The following MEGF6 variants were observed in gnomAD, a reference collection of about 807,000 sequenced individuals.
The protein encoded by MEGF6 is multiple epidermal growth factor-like domains protein 6.
In MEGF6, 184 loss-of-function variants were observed where a neutral mutation model predicts 207.1. That is an observed-to-expected ratio of 0.89 (90% CI 0.79 to 1.00). The LOEUF is 1.00. Ranked by LOEUF, MEGF6 falls within the 50% of genes least tolerant of loss-of-function variation. The pLI, the probability that MEGF6 is intolerant of heterozygous loss-of-function variation, is 0.00. For synonymous variants in MEGF6, 1,038 were observed against 910.0 expected (o/e 1.14, Z -2.53); for missense variants, 2,282 against 2,202.9 (o/e 1.04, Z -0.72).
intron 4 of MEGF6, among the ~76,000 whole-genome samples, chr1:3,549,236 C>T (rs1003730196): frequency 3.3e-5 from 5 of 152,180 alleles, no homozygotes; most frequent in Admixed American, 2.0e-4. Context: ...GGTGAATGCT[C>T]AAGAAGCTGC....
chr1:3,517,978 G>A (rs368385951), intron 5 of MEGF6, among the ~76,000 whole-genome samples: 64 of 152,364 alleles, frequency 4.2e-4, no homozygotes, highest in African/African-American at 1.4e-3. Flanking sequence ...GCGTGCTTCC[G>A]CAATCCGGCC....
chr1:3,611,492 G>A lies in MEGF6; in HGVS notation c.-224C>T. The A allele has an allele frequency of 1.9e-6, 1 of 516,712 alleles. No individual in the cohort carries two copies. Among genetic ancestry groups the A allele is most frequent in the Non-Finnish European group, 3.1e-6 (1 of 323,428 alleles). 32.0% of individuals were successfully genotyped at this position (516,712 alleles called of 1,614,324 possible). On this transcript the variant is annotated 5_prime_UTR_variant, in exon 1 of 37. Coordinates refer to ENST00000356575, the MANE Select transcript of MEGF6 (RefSeq NM_001409.4). ...GGTCCACCCTGCAGGAACTCGCCCCGGCGCGTTGAGCACAGTGCCCCGGAC... is the reference window on the plus strand; with the variant it reads ...GGTCCACCCTGCAGGAACTCGCCCCAGCGCGTTGAGCACAGTGCCCCGGAC...
intron 4 of MEGF6, among the ~76,000 whole-genome samples, chr1:3,551,489 G>A (rs1642882963): frequency 6.6e-6 from 1 of 152,124 alleles, no homozygotes. Flanking sequence ...ACCAGGCACT[G>A]GCCATGTGGC....
Position 3,494,721 on chromosome 1 carries a change from C to T in MEGF6, c.3892G>A (p.Gly1298Ser), listed in dbSNP as rs779755715. Residue 1298 changes from glycine to serine, a missense_variant, in exon 31 of 37, where the codon GGC (glycine) becomes AGC (serine). Physicochemically the swap from Gly to Ser is moderately conservative, Grantham distance 56 (BLOSUM62 0). Transcript: ENST00000356575. The part of the protein sequence containing the change: ...CERGCPQNRF[G>S]VGCEHTCSCR... ...GAGCAGGTGTGCTCGCAGCCCACGC[C>T]AAACCGGTTCTGGGGGCAGCCTGGA... 1 of 1,588,248 alleles carries T rather than the reference C, an allele frequency of 6.3e-7. No homozygotes were observed. The highest frequency in any genetic ancestry group is 8.6e-7 in the Non-Finnish European group (1 of 1,168,368).
At chr1:3,510,085 C>A in intron 10 of MEGF6, 93 bp from the exon 11 acceptor site, 1 of 1,457,884 alleles carries the variant, frequency 6.9e-7, no homozygotes, top group Non-Finnish European at 9.1e-7. Context: ...GGACTGAAGC[C>A]CTGGTGGCCC....
chr1:3,496,471 G>C (rs553430919), intron 29 of MEGF6, among the ~76,000 whole-genome samples, 184 bp downstream of exon 29: 1 of 152,342 alleles, frequency 6.6e-6, no homozygotes, highest in East Asian at 1.9e-4. Flanking sequence ...GGGCCACATA[G>C]ACACCCCCAG....
the MEGF6 span, among the ~76,000 whole-genome samples, chr1:3,620,139 G>A: frequency 1.1e-4 from 16 of 152,308 alleles, no homozygotes; most frequent in East Asian, 1.9e-4. Context: ...ATTTCTAAGC[G>A]GCAAAGCATT....
intron 11 of MEGF6, 103 bp downstream of exon 11, chr1:3,509,767 A>T: frequency 7.1e-7 from 1 of 1,403,946 alleles, no homozygotes; most frequent in Non-Finnish European, 9.4e-7. Context: ...AAAGGACCCC[A>T]GGCAGGTGGG....
At chr1:3,495,808 C>T (rs1249727976) in intron 30 of MEGF6, 82 bp downstream of exon 30, 20 of 1,513,254 alleles carry the variant, frequency 1.3e-5, no homozygotes, top group Admixed American at 1.9e-5. Flanking sequence ...GGGCTGGGCC[C>T]ACCCCTCCAG....
At chr1:3,610,032 G>A (rs1205530521) in intron 1 of MEGF6, among the ~76,000 whole-genome samples, 2 of 152,214 alleles carry the variant, frequency 1.3e-5, no homozygotes, top group African/African-American at 4.8e-5. Context: ...AGCTCTCCTC[G>A]GACAAAGGCA....
At position 3,574,178 on chromosome 1, in the gene MEGF6, C is replaced by T. The variant is rs550333742; in HGVS notation, c.481+5647G>A. ...CAGGCAGGACCACTGATGTCTCCCC[C>T]GGCTTGGCAGGCACACAGCAGGTAC... On this transcript the variant is annotated intron_variant, in intron 4 of 36. Transcript: ENST00000356575. Among the ~76,000 whole-genome samples the T allele has an allele frequency of 3.8e-3, 579 of 152,188 alleles. 4 individuals are homozygous for T. The highest frequency in any genetic ancestry group is 4.7e-3 in the Non-Finnish European group (322 of 67,998).
chr1:3,604,236 GCAGT>G (rs1557428797), intron 1 of MEGF6, among the ~76,000 whole-genome samples: 3 of 152,202 alleles, frequency 2.0e-5, no homozygotes, highest in African/African-American at 7.2e-5. Context: ...ACACTCTCCC[GCAGT>G]TTCCCAAACG....
chr1:3,522,508 A>T (rs1241176261), intron 5 of MEGF6, among the ~76,000 whole-genome samples: 1 of 150,666 alleles, frequency 6.6e-6, no homozygotes, highest in Admixed American at 6.6e-5. Context: ...TGGGGCCCTA[A>T]GTGTGCAGAC....
intron 4 of MEGF6, among the ~76,000 whole-genome samples, chr1:3,548,136 G>A (rs2101570187): frequency 6.6e-6 from 1 of 152,340 alleles, no homozygotes; most frequent in South Asian, 2.1e-4. Flanking sequence ...CCAGCATGCT[G>A]AGGACGCAGA....
At position 3,488,407 on chromosome 1, in the gene MEGF6, G is replaced by A. The variant is rs976031913; in HGVS notation, c.*2121C>T. On this transcript the variant is annotated 3_prime_UTR_variant, in exon 37 of 37. Coordinates refer to ENST00000356575, the MANE Select transcript of MEGF6 (RefSeq NM_001409.4). ...TCACACCATGCTGAGACTGTCGGGG[G>A]TTCCCATTGGGGAGTAATGGTGATA... Among the ~76,000 whole-genome samples, 4 of 152,208 alleles carry A rather than the reference G, an allele frequency of 2.6e-5. No individual in the cohort carries two copies. Among genetic ancestry groups the A allele is most frequent in the African/African-American group, 9.7e-5 (4 of 41,446 alleles).
At chr1:3,600,535 G>A (rs1486487011) in intron 2 of MEGF6, among the ~76,000 whole-genome samples, 1 of 152,212 alleles carries the variant, frequency 6.6e-6, no homozygotes, top group African/African-American at 2.4e-5. Flanking sequence ...GCTCCTGGGA[G>A]GGATGAAGGG....
At chr1:3,508,518 G>A in intron 13 of MEGF6, 40 bp downstream of exon 13, 1 of 1,596,554 alleles carries the variant, frequency 6.3e-7, no homozygotes, top group South Asian at 1.1e-5. Context: ...GGGGCTCAGA[G>A]GCCCCTTCCC....
intron 30 of MEGF6, among the ~76,000 whole-genome samples, chr1:3,495,238 C>T (rs1640552168): frequency 1.3e-5 from 2 of 152,210 alleles, no homozygotes; most frequent in Non-Finnish European, 2.9e-5. Context: ...AGCTACATCC[C>T]AGCTGGGGCC....
At chr1:3,559,967 C>T (rs1643147144) in intron 4 of MEGF6, among the ~76,000 whole-genome samples, 1 of 148,480 alleles carries the variant, frequency 6.7e-6, no homozygotes, top group Admixed American at 6.8e-5. Flanking sequence ...GCCGAGATCA[C>T]ACCATGGCAC....
Sources: gnomAD v4.1 joint callset for allele counts (sites outside exome capture counted in the v4.1 genomes callset) on GRCh38, gnomAD v4.1.1 for gene constraint, MANE v1.5 for transcripts, NCBI Gene and HGNC (gene_info 2026-07-23, HGNC 2026-07-21) for gene names.